Variants in PPP2R1A observed in about 807,000 individuals in gnomAD.
The protein encoded by PPP2R1A is serine/threonine-protein phosphatase 2A 65 kDa regulatory subunit A alpha isoform.
PPP2R1A carries 15 observed loss-of-function variants against 67.1 expected under a neutral mutation model. The observed-to-expected ratio is 0.22, with a 90% CI of 0.15 to 0.34. The LOEUF (loss-of-function observed/expected upper bound fraction) is 0.34. PPP2R1A is among the 10% of genes least tolerant of loss of function. PPP2R1A has a pLI of 1.00. For missense variants in PPP2R1A, 369 were observed against 775.0 expected, an observed-to-expected ratio of 0.48 and a Z score of 6.22; for synonymous variants, 337 against 325.0, an observed-to-expected ratio of 1.04 and a Z score of -0.40.
intron 1 of PPP2R1A, among the ~76,000 whole-genome samples, chr19:52,194,576 G>T (rs2089481919): frequency 6.6e-6 from 1 of 152,110 alleles, no homozygotes; most frequent in Non-Finnish European, 1.5e-5. Context: ...TTAGCATGCA[G>T]GGGGGAAGTA....
Position 52,211,456 on chromosome 19 carries a change from C to T in PPP2R1A, c.467C>T (p.Pro156Leu), listed in dbSNP as rs1298716534. 2 of 1,613,734 alleles carry T rather than the reference C, an allele frequency of 1.2e-6. No homozygotes were observed. The highest frequency in any genetic ancestry group is 2.2e-5 in the South Asian group (2 of 91,060). Residue 156 changes from proline to leucine, a missense_variant, in exon 4 of 15, where the codon CCC (proline) becomes CTC (leucine). Physicochemically the swap from Pro to Leu is moderately conservative, Grantham distance 98. Coordinates refer to ENST00000322088, the MANE Select transcript of PPP2R1A (RefSeq NM_014225.6). The surrounding 1 kb of genome is among the most constrained non-coding windows in gnomAD (Gnocchi z 5.3). The part of the protein sequence containing the change: ...SACGLFSVCY[P>L]RVSSAVKAEL... ...TGCGGCCTCTTCTCCGTCTGCTACC[C>T]CCGAGTGTCCAGTGCTGTGAAGGCG...
rs1978894659 is a variant in PPP2R1A, at chr19:52,221,062, A to C, written c.1447A>C (p.Ile483Leu). Residue 483 changes from isoleucine (I) to leucine (L), a missense_variant, in exon 12 of 15, where the codon ATC becomes CTC. Transcript: ENST00000322088. ...GAAGGAGTGGGCCCATGCCACAATC[A>C]TCCCCAAGGTCTTGGCCATGTCCGG... is the stretch of plus-strand genomic sequence containing the variant. Reference protein sequence around the residue: ...FGKEWAHATIIPKVLAMSGDP... With the variant: ...FGKEWAHATILPKVLAMSGDP... 7.4e-6 allele frequency: 12 copies of C among 1,614,240 alleles called. No individual in the cohort carries two copies. Among genetic ancestry groups the C allele is most frequent in the Non-Finnish European group, 1.0e-5 (12 of 1,180,038 alleles).
Position 52,216,802 on chromosome 19 carries a change from G to A in PPP2R1A, c.1128+139G>A. 1 of 1,349,682 alleles carries A rather than the reference G, an allele frequency of 7.4e-7. No homozygotes were observed. The highest frequency in any genetic ancestry group is 1.0e-6 in the Non-Finnish European group (1 of 982,000). 83.6% of individuals were successfully genotyped at this position (1,349,682 alleles called of 1,614,324 possible). ...CAGATCTTTGCTGAGTTGCATGTTT[G>A]TGGGCATAGCTGTGTGTTCATGCGT... On this transcript the variant is annotated intron_variant, in intron 9 of 14. Transcript: ENST00000322088. This position sits in a 1 kb window ranked among gnomAD's most constrained non-coding sequence, Gnocchi z 4.3.
At chr19:52,214,650 C>T (rs1446767794) in intron 6 of PPP2R1A, among the ~76,000 whole-genome samples, 1 of 152,062 alleles carries the variant, frequency 6.6e-6, no homozygotes, top group African/African-American at 2.4e-5. Context: ...ACCAGGTCTT[C>T]AGGAACCAGC....
At chr19:52,225,682 C>T (rs1979211051) in intron 13 of PPP2R1A, 35 bp from the exon 14 acceptor site, 3 of 1,597,362 alleles carry the variant, frequency 1.9e-6, no homozygotes, top group Non-Finnish European at 2.6e-6. Flanking sequence ...CATCCTGGCT[C>T]ACCCTCTCTC....
At chr19:52,200,763 G>A (rs2089539035) in intron 1 of PPP2R1A, among the ~76,000 whole-genome samples, 1 of 152,188 alleles carries the variant, frequency 6.6e-6, no homozygotes. Flanking sequence ...TGGGCTTGTG[G>A]ATGCATCTCC....
Position 52,220,940 on chromosome 19 carries a change from C to T in PPP2R1A, c.1364-39C>T, listed in dbSNP as rs369647820. On this transcript the variant is annotated intron_variant, in intron 11 of 14. Transcript: ENST00000322088. Reference sequence around the variant, plus strand: ...CATTTTGCCCACATCAGTTCTTCACCTCCAAATCCCTGTCTCTCTCACCCT... The same window carrying T: ...CATTTTGCCCACATCAGTTCTTCACTTCCAAATCCCTGTCTCTCTCACCCT... 58 of 1,610,212 alleles carry T rather than the reference C, an allele frequency of 3.6e-5. No individual in the cohort carries two copies. In the South Asian group the frequency reaches 5.7e-4, roughly 16 times the overall value.
rs112327688 is a variant in PPP2R1A at position 52,211,987 on chromosome 19, GA to G, written c.503+496del. The stretch of plus-strand genomic sequence containing the variant: ...TGGTTTATGGCTGTACACTTGCTTA[GA>G]TACTTACACTGGCCCCCACCGCCTT... On this transcript the variant is annotated intron_variant, in intron 4 of 14. Transcript: ENST00000322088. This position sits in a 1 kb window ranked among gnomAD's most constrained non-coding sequence, Gnocchi z 5.3. Among the ~76,000 whole-genome samples, 1,016 of 152,294 alleles carry G rather than the reference GA, an allele frequency of 6.7e-3. 13 individuals are homozygous for G. The highest frequency in any genetic ancestry group is 0.023 in the African/African-American group (966 of 41,552).
In PPP2R1A at chr19:52,226,556, C is replaced by T. The variant is rs868111759; in HGVS notation, c.*575C>T. 1 of 200,756 alleles carries T rather than the reference C, an allele frequency of 5.0e-6. No homozygotes were observed. The highest frequency in any genetic ancestry group is 1.0e-5 in the Non-Finnish European group (1 of 97,630). 12.4% of individuals were successfully genotyped at this position (200,756 alleles called of 1,614,324 possible). ...TGTCCCGAAAGAATACTCTGGGGAT[C>T]CCCCCAGGAGTGCTGCTGGCCTTTG... On this transcript the variant is annotated 3_prime_UTR_variant, in exon 15 of 15. Coordinates refer to ENST00000322088, the MANE Select transcript of PPP2R1A (RefSeq NM_014225.6).
At chr19:52,205,741 A>G (rs1293035465) in intron 2 of PPP2R1A, among the ~76,000 whole-genome samples, 1 of 152,178 alleles carries the variant, frequency 6.6e-6, no homozygotes, top group African/African-American at 2.4e-5. Flanking sequence ...AGTATTTCAC[A>G]CCCGCTAGAG....
intron 3 of PPP2R1A, among the ~76,000 whole-genome samples, chr19:52,208,049 C>G (rs1439900435): frequency 6.6e-6 from 1 of 152,196 alleles, no homozygotes; most frequent in African/African-American, 2.4e-5. Flanking sequence ...AGCAAGGTCT[C>G]TAGGCTATGG....
rs949643658 is a variant in PPP2R1A, at chr19:52,228,215, A to C, written c.*2234A>C. ...GGAATGGGATTATTACAGGAGGTGG[A>C]GGTGCGATGGATACCCAGGATGTGC... On this transcript the variant is annotated 3_prime_UTR_variant, in exon 15 of 15. Transcript: ENST00000322088. 6.6e-6 allele frequency: 1 copy of C among 152,302 alleles called. No individual in the cohort carries two copies. Among genetic ancestry groups the C allele is most frequent in the African/African-American group, 2.4e-5 (1 of 41,428 alleles). The allele number at this position is 152,302 out of a possible 1,614,324, so 9.4% of individuals were successfully genotyped here. A position where few individuals can be genotyped will look rare whatever the true frequency, so the allele number is the denominator to read the frequency against.
rs187343093 is a variant in PPP2R1A at position 52,224,454 on chromosome 19, C to T, written c.1662-1263C>T. ...ACCAGTTTGGTCTCTTCCTCCTGGC[C>T]CGGGTGCCTCATGGCAGAAATCAAG... is the stretch of plus-strand genomic sequence containing the variant. On this transcript the variant is annotated intron_variant, in intron 13 of 14. Transcript: ENST00000322088. 1.5e-3 allele frequency among the ~76,000 whole-genome samples: 227 copies of T among 152,308 alleles called. 3 individuals are homozygous for T. Among genetic ancestry groups the T allele is most frequent in the African/African-American group, 5.1e-3 (213 of 41,574 alleles).
chr19:52,220,374 T>C, intron 11 of PPP2R1A, 125 bp downstream of exon 11: 1 of 1,016,406 alleles, frequency 9.8e-7, no homozygotes, highest in Admixed American at 1.8e-5. Flanking sequence ...GATGCTCGTA[T>C]GGACCAGCTC....
chr19:52,209,137 G>T (rs2122322983), intron 3 of PPP2R1A, among the ~76,000 whole-genome samples: 1 of 152,324 alleles, frequency 6.6e-6, no homozygotes, highest in South Asian at 2.1e-4. Flanking sequence ...ACTTCCTGCA[G>T]TAACCTACAG....
intron 13 of PPP2R1A, among the ~76,000 whole-genome samples, chr19:52,224,420 C>T (rs1056604798): frequency 6.6e-6 from 1 of 152,252 alleles, no homozygotes; most frequent in Non-Finnish European, 1.5e-5. Context: ...TACCACTCCC[C>T]TCTTACGTAC....
At chr19:52,197,182 A>G (rs2089504363) in intron 1 of PPP2R1A, among the ~76,000 whole-genome samples, 1 of 152,232 alleles carries the variant, frequency 6.6e-6, no homozygotes, top group Non-Finnish European at 1.5e-5. Flanking sequence ...GTTATAGATT[A>G]TAATATCACT....
chr19:52,222,552 G>C (rs1439041005), intron 13 of PPP2R1A, among the ~76,000 whole-genome samples: 1 of 152,162 alleles, frequency 6.6e-6, no homozygotes, highest in African/African-American at 2.4e-5. Context: ...ATATCAAATA[G>C]CCAGGAATAA....
At chr19:52,206,909 A>G (rs886659052) in intron 3 of PPP2R1A, among the ~76,000 whole-genome samples, 2 of 152,146 alleles carry the variant, frequency 1.3e-5, no homozygotes, top group Admixed American at 1.3e-4. Context: ...CGCTAGAGAT[A>G]CAATGTGGCA....
Sources: gnomAD v4.1 joint callset for allele counts (sites outside exome capture counted in the v4.1 genomes callset) on GRCh38, gnomAD v4.1.1 for gene constraint, Gnocchi (gnomAD v3.1) non-coding constraint, MANE v1.5 for transcripts, NCBI Gene and HGNC (gene_info 2026-07-23, HGNC 2026-07-21) for gene names.